Variants in PLXNB3 observed in about 807,000 individuals in gnomAD.
PLXNB3 encodes plexin B3, also known as plexin-B3.
PLXNB3 carries 80 observed loss-of-function variants against 125.7 expected under a neutral mutation model. That is an observed-to-expected ratio of 0.64 (90% CI 0.53 to 0.77). The LOEUF (loss-of-function observed/expected upper bound fraction) is 0.77. PLXNB3 is among the 30% of genes least tolerant of loss of function. PLXNB3 has a pLI of 0.00. For synonymous variants in PLXNB3, 954 were observed against 783.3 expected, an observed-to-expected ratio of 1.22 and a Z score of -3.64; for missense variants, 1,836 against 1,729.3, an observed-to-expected ratio of 1.06 and a Z score of -1.09.
rs1405990686 is a variant in PLXNB3, at chrX:153,768,886, T to C, written c.1267-62T>C. ...AGGAGCCCCCACTAGGAGGAGGGCG[T>C]GTCCCTGGAACAGGCAACCTTTGGC... On this transcript the variant is annotated intron_variant, in intron 4 of 35. Coordinates refer to ENST00000361971, the MANE Select transcript of PLXNB3 (RefSeq NM_005393.3). 3 of 1,158,454 alleles carry C rather than the reference T, an allele frequency of 2.6e-6. No individual in the cohort carries two copies. In the African/African-American group the frequency reaches 5.4e-5, roughly 21 times the overall value.
chrX:153,776,485 G>C (rs367827691), intron 28 of PLXNB3, 26 bp downstream of exon 28: 96 of 634,372 alleles, frequency 1.5e-4, no homozygotes, highest in Middle Eastern at 3.9e-4. Flanking sequence ...GGGCGAGGCA[G>C]GGCGGGGCTG....
intron 4 of PLXNB3, 42 bp from the exon 5 acceptor site, chrX:153,768,906 T>C (rs1186107588): frequency 2.5e-6 from 3 of 1,191,555 alleles, no homozygotes; most frequent in Admixed American, 2.2e-5. Flanking sequence ...ACAGGCAACC[T>C]TTGGCCATCT....
chrX:153,770,712 G>T (rs1557061491), intron 10 of PLXNB3, 46 bp from the exon 11 acceptor site: 2 of 1,206,239 alleles, frequency 1.7e-6, no homozygotes, highest in Non-Finnish European at 2.2e-6. Context: ...CCGCCCAGCA[G>T]TAGGCCCTTT....
Position 153,770,757 on chromosome X carries a change from G to A in PLXNB3, c.2011-1G>A. 8.3e-7 allele frequency: 1 copy of A among 1,204,719 alleles called. No individual in the cohort carries two copies. Among genetic ancestry groups the A allele is most frequent in the Non-Finnish European group, 1.1e-6 (1 of 890,528 alleles). On this transcript the variant is annotated splice_acceptor_variant, in intron 10 of 35. Coordinates refer to ENST00000361971, the MANE Select transcript of PLXNB3 (RefSeq NM_005393.3). LOFTEE classifies it high-confidence loss of function. ...AGGGCTGAGGGCTCTTGTTTTCCCA[G>A]GTGGACATCCAGGTGCGTGGCCCAG...
chrX:153,766,341 T>C, intron 2 of PLXNB3: 1 of 1,142,290 alleles, frequency 8.8e-7, no homozygotes. Context: ...TTTCTCTCCC[T>C]GTCTGGTCCC....
chrX:153,771,812 G>T, intron 14 of PLXNB3, 52 bp from the exon 15 acceptor site: 1 of 1,179,901 alleles, frequency 8.5e-7, no homozygotes, highest in Non-Finnish European at 1.1e-6. Flanking sequence ...CAGCACTGCA[G>T]AGTGGAGCGT....
At position 153,769,072 on chromosome X, in the gene PLXNB3, A is replaced by C. The variant is rs1569541790; in HGVS notation, c.1391A>C (p.His464Pro). The change falls in exon 5 of 36, where the codon CAC becomes CCC. Residue 464 changes from histidine to proline, a missense_variant. Transcript: ENST00000361971. ...AGTCACCTCTATGTCCTGACTGCCC[A>C]CCAGGTGAGGGCCATCCTGGGGCTG... ...SGSHLYVLTA[H>P]QVDRIPVAAC... is the part of the protein sequence containing the mutation. 4.1e-6 allele frequency: 5 copies of C among 1,208,932 alleles called. No homozygotes were observed. Among genetic ancestry groups the C allele is most frequent in the South Asian group, 1.8e-5 (1 of 56,760 alleles).
rs200549666 is a variant in PLXNB3 at position 153,771,410 on chromosome X, C to T, written c.2347+7C>T. The T allele has an allele frequency of 6.7e-5, 81 of 1,207,361 alleles. No individual in the cohort carries two copies. In the East Asian group the frequency reaches 1.2e-3, roughly 19 times the overall value. ...AACACCCATGCTCTTTATGGTGAGC[C>T]TGAGGGCAGCCAGGCAGGCGGGGCA... On this transcript the variant is annotated splice_region_variant and intron_variant, in intron 13 of 35. Coordinates refer to ENST00000361971, the MANE Select transcript of PLXNB3 (RefSeq NM_005393.3).
At chrX:153,778,897 G>A in intron 35 of PLXNB3, 38 bp from the exon 36 acceptor site, 1 of 1,120,879 alleles carries the variant, frequency 8.9e-7, no homozygotes, top group Non-Finnish European at 1.2e-6. Flanking sequence ...GCAGGCAGAG[G>A]GGCAGGCTCA....
chrX:153,772,120 G>T (rs2091937414), intron 15 of PLXNB3, 62 bp from the exon 16 acceptor site: 3 of 862,599 alleles, frequency 3.5e-6, no homozygotes, highest in Middle Eastern at 4.1e-4. Context: ...CGGGTCAGGG[G>T]AGGGGTGGGC....
chrX:153,776,300 G>A, intron 27 of PLXNB3, 56 bp from the exon 28 acceptor site: 1 of 1,075,550 alleles, frequency 9.3e-7, no homozygotes, highest in Non-Finnish European at 1.3e-6. Flanking sequence ...GTCTTACTAT[G>A]AGTGTGGGGC....
At chrX:153,765,864 G>A in intron 2 of PLXNB3, 1 of 754,371 alleles carries the variant, frequency 1.3e-6, no homozygotes, top group Non-Finnish European at 1.6e-6. Context: ...TCTCTGTGGA[G>A]GGCAGGAGGG....
Position 153,776,911 on chromosome X carries a change from C to T in PLXNB3, c.4858C>T (p.Leu1620Phe), listed in dbSNP as rs1557064580. Reference sequence around the variant, plus strand: ...GGTCCCAGATGGAGCAACAGTGGGGCTCGTCCCTCAGCTGCACCGTGGCAG... The same window carrying T: ...GGTCCCAGATGGAGCAACAGTGGGGTTCGTCCCTCAGCTGCACCGTGGCAG... The part of the protein sequence containing the change: ...YKVPDGATVG[L>F]VPQLHRGSTI... Residue 1620 changes from leucine (L) to phenylalanine (F), a missense_variant, in exon 29 of 36, where the codon CTC (leucine) becomes TTC (phenylalanine). By Grantham distance (22) the Leu-to-Phe change is conservative. Coordinates refer to ENST00000361971, the MANE Select transcript of PLXNB3 (RefSeq NM_005393.3). 2 of 1,197,283 alleles carry T rather than the reference C, an allele frequency of 1.7e-6. No homozygotes were observed. Among genetic ancestry groups the T allele is most frequent in the African/African-American group, 3.5e-5 (2 of 57,037 alleles).
chrX:153,771,162 C>T lies in PLXNB3; in HGVS notation c.2253+81C>T. The T allele has an allele frequency of 3.1e-6, 3 of 963,727 alleles. No individual in the cohort carries two copies. In the South Asian group the frequency reaches 6.1e-5, roughly 20 times the overall value. 79.4% of individuals were successfully genotyped at this position (963,727 alleles called of 1,213,427 possible). ...GTCTGCCATCTTTGTGGAGAGCCTG[C>T]TTGGGGCCCATAACCTCTGTCTGTG... is the stretch of plus-strand genomic sequence containing the variant. On this transcript the variant is annotated intron_variant, in intron 12 of 35. Coordinates refer to ENST00000361971, the MANE Select transcript of PLXNB3 (RefSeq NM_005393.3).
In PLXNB3 at chrX:153,770,357, G is replaced by A. The variant is rs1557061247; in HGVS notation, c.1806G>A (p.Leu602=). ...TCCCAGACCACGTCACTGTGCCCCT[G>A]GCCCTGATGTTCGAGGACGTGACTG... The part of the protein sequence containing the change: ...PPGTDHVTVP[L]ALMFEDVTVA... Residue 602 remains leucine, a synonymous_variant, in exon 9 of 36, where the codon CTG becomes CTA. Transcript: ENST00000361971. The A allele has an allele frequency of 1.7e-6, 2 of 1,208,339 alleles. No homozygotes were observed. Among genetic ancestry groups the A allele is most frequent in the East Asian group, 3.0e-5 (1 of 33,783 alleles).
rs782526023 is a variant in PLXNB3, at chrX:153,772,983, C to T, written c.2873C>T (p.Thr958Ile). 6 of 1,197,088 alleles carry T rather than the reference C, an allele frequency of 5.0e-6. No individual in the cohort carries two copies. The South Asian group carries it at 9.2e-5, about 18-fold the overall frequency. The change falls in exon 17 of 36, where the codon ACC becomes ATC. Residue 958 changes from threonine (T) to isoleucine (I), a missense_variant. By Grantham distance (89) the Thr-to-Ile change is moderately conservative (BLOSUM62 -1). Coordinates refer to ENST00000361971, the MANE Select transcript of PLXNB3 (RefSeq NM_005393.3). ...RGQHLQTGGN[T>I]SAFVGGQPCP... Reference sequence around the variant, plus strand: ...CAGCACCTCCAGACAGGTGGCAACACCAGTGCCTTCGTGGGTGGCCAACCC... The same window carrying T: ...CAGCACCTCCAGACAGGTGGCAACATCAGTGCCTTCGTGGGTGGCCAACCC...
In PLXNB3 at chrX:153,773,446, G is replaced by A. The variant is rs1337864477; in HGVS notation, c.3083+40G>A. 1.1e-5 allele frequency: 13 copies of A among 1,186,011 alleles called. No homozygotes were observed. In the Admixed American group the frequency reaches 1.8e-4, roughly 16 times the overall value. On this transcript the variant is annotated intron_variant, in intron 18 of 35. Transcript: ENST00000361971. Reference sequence around the variant, plus strand: ...GCAGGCCAGCCTGTGCACCACGCAGGAGGGAAGGTGGGATGCGGGCTGGGC... The same window carrying A: ...GCAGGCCAGCCTGTGCACCACGCAGAAGGGAAGGTGGGATGCGGGCTGGGC...
chrX:153,777,489 A>T, intron 30 of PLXNB3, 39 bp from the exon 31 acceptor site: 1 of 1,198,045 alleles, frequency 8.3e-7, no homozygotes. Flanking sequence ...TGGCCCCCAC[A>T]CCCTGCCCTC....
chrX:153,776,100 C>T lies in PLXNB3; in HGVS notation c.4615C>T (p.Pro1539Ser). Residue 1539 changes from proline to serine, a missense_variant, in exon 27 of 36, where the codon CCA becomes TCA. Physicochemically the swap from Pro to Ser is moderately conservative, Grantham distance 74. Coordinates refer to ENST00000361971, the MANE Select transcript of PLXNB3 (RefSeq NM_005393.3). Reference sequence around the variant, plus strand: ...AGGCAGCAGCGAGATGCAGCGCGTGCCAGCCCGGGTGCTCGACACGGACAC... The same window carrying T: ...AGGCAGCAGCGAGATGCAGCGCGTGTCAGCCCGGGTGCTCGACACGGACAC... ...AAGSSEMQRV[P>S]ARVLDTDTIT... is the part of the protein sequence containing the mutation. The T allele has an allele frequency of 8.3e-7, 1 of 1,200,396 alleles. No homozygotes were observed. The highest frequency in any genetic ancestry group is 1.1e-6 in the Non-Finnish European group (1 of 890,307).
Sources: gnomAD v4.1 joint callset for allele counts on GRCh38, gnomAD v4.1.1 for gene constraint, MANE v1.5 for transcripts, NCBI Gene and HGNC (gene_info 2026-07-23, HGNC 2026-07-21) for gene names.